Variants in RPL14 observed in about 807,000 individuals in gnomAD.
RPL14 encodes ribosomal protein L14, also known as large ribosomal subunit protein eL14.
A neutral mutation model predicts 25.3 loss-of-function variants in RPL14; 4 were observed. That is an observed-to-expected ratio of 0.16 (90% CI 0.08 to 0.36). The LOEUF is 0.36. Ranked by LOEUF, RPL14 falls within the 10% of genes least tolerant of loss-of-function variation. The probability of loss-of-function intolerance (pLI) is 1.00; values close to 1 mark genes in which losing one functional copy is unlikely to be tolerated. For missense variants in RPL14, 212 were observed against 261.9 expected, an observed-to-expected ratio of 0.81 and a Z score of 1.31; for synonymous variants, 75 against 89.8, an observed-to-expected ratio of 0.84 and a Z score of 0.93.
In RPL14 at chr3:40,461,482, C is replaced by T. The variant is rs1247067187; in HGVS notation, c.276C>T (p.Ala92=). ...CAAAATGGGCAGCCACACGATGGGC[C>T]AAGAAGATTGAAGCCAGAGAAAGGG... ...INTKWAATRW[A]KKIEARERKA... Residue 92 remains alanine (A), a synonymous_variant, in exon 4 of 6, where the codon GCC becomes GCT. Transcript: ENST00000396203. 1.2e-6 allele frequency: 2 copies of T among 1,613,772 alleles called. No homozygotes were observed. The highest frequency in any genetic ancestry group is 1.3e-5 in the African/African-American group (1 of 74,830).
At chr3:40,457,584 C>G (rs758226560) in intron 1 of RPL14, 110 bp downstream of exon 1, 1 of 909,314 alleles carries the variant, frequency 1.1e-6, no homozygotes, top group African/African-American at 1.7e-5. Flanking sequence ...GCCTGGCGCG[C>G]CTTGGGCCAC....
chr3:40,458,521 A>G (rs1237652315), intron 2 of RPL14, 121 bp from the exon 3 acceptor site: 7 of 712,294 alleles, frequency 9.8e-6, no homozygotes, highest in East Asian at 2.7e-5. Flanking sequence ...TTTCTGAGCA[A>G]TTTATTAAAA....
chr3:40,463,798 T>G lies in RPL14; in HGVS notation c.*1566T>G, dbSNP rs1184371756. 6.6e-6 allele frequency: 1 copy of G among 152,398 alleles called. No individual in the cohort carries two copies. The highest frequency in any genetic ancestry group is 1.5e-5 in the Non-Finnish European group (1 of 68,188). 9.4% of individuals were successfully genotyped at this position (152,398 alleles called of 1,614,324 possible). On this transcript the variant is annotated 3_prime_UTR_variant, in exon 6 of 6. Coordinates refer to ENST00000396203, the MANE Select transcript of RPL14 (RefSeq NM_001034996.3). ...CCCCAAAGTGTCATGTATATGCACT[T>G]AACTCCAACATCAGAACACATCTCG...
rs1697046212 is a variant in RPL14, at chr3:40,467,632, C to A, written c.*5400C>A. The A allele has an allele frequency of 6.6e-6, 1 of 152,216 alleles. No individual in the cohort carries two copies. The highest frequency in any genetic ancestry group is 1.5e-5 in the Non-Finnish European group (1 of 68,054). The allele number at this position is 152,216 out of a possible 1,614,324, so 9.4% of individuals were successfully genotyped here. A position where few individuals can be genotyped will look rare whatever the true frequency, so the allele number is the denominator to read the frequency against. ...ATCTCACAGATTTAGAAATGTTTCG[C>A]CAGCTAGCTGAACAATCCTTAGCCC... On this transcript the variant is annotated 3_prime_UTR_variant, in exon 6 of 6. Transcript: ENST00000396203.
Position 40,457,917 on chromosome 3 carries a change from C to T in RPL14, c.31C>T (p.Arg11Trp). 1 of 1,614,190 alleles carries T rather than the reference C, an allele frequency of 6.2e-7. No homozygotes were observed. The highest frequency in any genetic ancestry group is 8.5e-7 in the Non-Finnish European group (1 of 1,180,040). ...GTTCAGGCGCTTCGTGGAGGTTGGC[C>T]GGGTGGCCTATGTCTCCTTTGGACC... MVFRRFVEVG[R>W]VAYVSFGPHA... The change falls in exon 2 of 6, where the codon CGG (arginine) becomes TGG (tryptophan). Residue 11 changes from arginine to tryptophan, a missense_variant. Physicochemically the swap from Arg to Trp is moderately radical, Grantham distance 101. Coordinates refer to ENST00000396203, the MANE Select transcript of RPL14 (RefSeq NM_001034996.3).
At position 40,467,065 on chromosome 3, in the gene RPL14, C is replaced by T. The variant is rs935946822; in HGVS notation, c.*4833C>T. The T allele has an allele frequency of 6.6e-5, 10 of 152,144 alleles. No individual in the cohort carries two copies. The highest frequency in any genetic ancestry group is 2.4e-4 in the African/African-American group (10 of 41,528). The allele number at this position is 152,144 out of a possible 1,614,324, so 9.4% of individuals were successfully genotyped here. On this transcript the variant is annotated 3_prime_UTR_variant, in exon 6 of 6. Coordinates refer to ENST00000396203, the MANE Select transcript of RPL14 (RefSeq NM_001034996.3). ...TTATCTCCACTTCCAATTCCAGTAC[C>T]CTGTGTAAAGGAAAACATATACATC...
rs887826963 is a variant in RPL14 at position 40,464,639 on chromosome 3, T to G, written c.*2407T>G. 1 of 419,606 alleles carries G rather than the reference T, an allele frequency of 2.4e-6. No homozygotes were observed. Among genetic ancestry groups the G allele is most frequent in the African/African-American group, 2.0e-5 (1 of 49,118 alleles). 26.0% of individuals were successfully genotyped at this position (419,606 alleles called of 1,614,324 possible). Reference sequence around the variant, plus strand: ...GCGTGATATCTCAGATTTAGATCATTGAACTGTTAAGACTGAATCTTATGG... The same window carrying G: ...GCGTGATATCTCAGATTTAGATCATGGAACTGTTAAGACTGAATCTTATGG... On this transcript the variant is annotated 3_prime_UTR_variant, in exon 6 of 6. Coordinates refer to ENST00000396203, the MANE Select transcript of RPL14 (RefSeq NM_001034996.3).
At chr3:40,457,498 G>A in intron 1 of RPL14, 24 bp downstream of exon 1, 1 of 1,526,894 alleles carries the variant, frequency 6.5e-7, no homozygotes, top group Non-Finnish European at 8.9e-7. Context: ...GGCCGGCTGT[G>A]CAGCGGAATC....
rs1696952225 is a variant in RPL14 at position 40,462,201 on chromosome 3, C to T, written c.617C>T (p.Pro206Leu). 1 of 1,605,344 alleles carries T rather than the reference C, an allele frequency of 6.2e-7. No homozygotes were observed. Among genetic ancestry groups the T allele is most frequent in the Non-Finnish European group, 8.5e-7 (1 of 1,177,644 alleles). The part of the protein sequence containing the change: ...KGQKAPAQKA[P>L]APKASGKKA Reference sequence around the variant, plus strand: ...CAAAAAGCTCCAGCCCAGAAAGCACCTGCTCCAAAGGCATCTGGCAAGAAA... The same window carrying T: ...CAAAAAGCTCCAGCCCAGAAAGCACTTGCTCCAAAGGCATCTGGCAAGAAA... Residue 206 changes from proline (P) to leucine (L), a missense_variant, in exon 6 of 6, where the codon CCT becomes CTT. Physicochemically the swap from Pro to Leu is moderately conservative, Grantham distance 98. This residue lies in a region of RPL14 where 66 missense variants were observed against 62.6 expected (regional missense o/e 1.05). Transcript: ENST00000396203.
At position 40,468,335 on chromosome 3, in the gene RPL14, A is replaced by T. The variant is rs1359239134; in HGVS notation, c.*6103A>T. 2 of 152,190 alleles carry T rather than the reference A, an allele frequency of 1.3e-5. No homozygotes were observed. Among genetic ancestry groups the T allele is most frequent in the Non-Finnish European group, 2.9e-5 (2 of 68,042 alleles). The allele number at this position is 152,190 out of a possible 1,614,324, so 9.4% of individuals were successfully genotyped here. A position where few individuals can be genotyped will look rare whatever the true frequency, so the allele number is the denominator to read the frequency against. ...CCAATTTAGATTTCCATCAGCAGTA[A>T]ACAAAGACATTCCTGCCTGGCAGTC... On this transcript the variant is annotated 3_prime_UTR_variant, in exon 6 of 6. Coordinates refer to ENST00000396203, the MANE Select transcript of RPL14 (RefSeq NM_001034996.3).
chr3:40,459,626 C>T (rs1243216543), intron 3 of RPL14, among the ~76,000 whole-genome samples: 2 of 151,906 alleles, frequency 1.3e-5, no homozygotes, highest in African/African-American at 4.8e-5. Context: ...AAGGCCGAGG[C>T]GGGTGGATCA....
chr3:40,460,474 C>G (rs1330209890), intron 3 of RPL14, among the ~76,000 whole-genome samples: 2 of 151,308 alleles, frequency 1.3e-5, no homozygotes, highest in Non-Finnish European at 2.9e-5. Context: ...GCCAACGTTG[C>G]GCCAGTGCAT....
intron 3 of RPL14, among the ~76,000 whole-genome samples, chr3:40,460,975 T>G (rs1696928116): frequency 6.6e-6 from 1 of 152,176 alleles, no homozygotes; most frequent in Admixed American, 6.5e-5. Flanking sequence ...GGTGGAGGGT[T>G]GCTTGAGCCC....
Position 40,464,785 on chromosome 3 carries a change from AAAC to A in RPL14, c.*2556_*2558del. On this transcript the variant is annotated 3_prime_UTR_variant, in exon 6 of 6. Transcript: ENST00000396203. ...CATTGGACTGCAGAAATAAGGGAGA[AAAC>A]AATGTGTCAGGGTTTCTGGTTTGTA... 8.0e-6 allele frequency: 2 copies of A among 248,494 alleles called. No individual in the cohort carries two copies. The highest frequency in any genetic ancestry group is 9.4e-5 in the South Asian group (2 of 21,284). 15.4% of individuals were successfully genotyped at this position (248,494 alleles called of 1,614,324 possible). A position where few individuals can be genotyped will look rare whatever the true frequency, so the allele number is the denominator to read the frequency against.
chr3:40,458,276 A>G (rs1415064698), intron 2 of RPL14: 2 of 536,300 alleles, frequency 3.7e-6, no homozygotes, highest in Non-Finnish European at 6.6e-6. Flanking sequence ...CAGATCCAGC[A>G]CGTAGAAAGC....
intron 2 of RPL14, 92 bp downstream of exon 2, chr3:40,458,083 G>A: frequency 9.5e-7 from 1 of 1,057,872 alleles, no homozygotes; most frequent in Non-Finnish European, 1.5e-6. Flanking sequence ...GTAAGATGAG[G>A]ATGCTATGGG....
At position 40,465,327 on chromosome 3, in the gene RPL14, A is replaced by C. The variant is rs1211425077; in HGVS notation, c.*3095A>C. 2 of 152,182 alleles carry C rather than the reference A, an allele frequency of 1.3e-5. No individual in the cohort carries two copies. Among genetic ancestry groups the C allele is most frequent in the African/African-American group, 4.8e-5 (2 of 41,426 alleles). The allele number at this position is 152,182 out of a possible 1,614,324, so 9.4% of individuals were successfully genotyped here. On this transcript the variant is annotated 3_prime_UTR_variant, in exon 6 of 6. Transcript: ENST00000396203. ...TGGGGTTCGGAGGTTTTGTGTTTGTAAATCTGGAGTGATGGGCATGTTCAA... is the reference window on the plus strand; with the variant it reads ...TGGGGTTCGGAGGTTTTGTGTTTGTCAATCTGGAGTGATGGGCATGTTCAA...
At position 40,457,896 on chromosome 3, in the gene RPL14, A is replaced by C; in HGVS notation, c.10A>C (p.Arg4=). The C allele has an allele frequency of 1.2e-6, 2 of 1,614,178 alleles. No homozygotes were observed. Among genetic ancestry groups the C allele is most frequent in the Non-Finnish European group, 1.7e-6 (2 of 1,179,990 alleles). Residue 4 remains arginine (R), a synonymous_variant, in exon 2 of 6, where the codon AGG becomes CGG. Transcript: ENST00000396203. ...CTTTCTCCTCCAATTTTAGGTGTTC[A>C]GGCGCTTCGTGGAGGTTGGCCGGGT... MVF[R]RFVEVGRVAY...
At chr3:40,458,156 G>A in intron 2 of RPL14, 165 bp downstream of exon 2, 1 of 630,542 alleles carries the variant, frequency 1.6e-6, no homozygotes, top group Non-Finnish European at 2.8e-6. Flanking sequence ...ACAGCCTGAA[G>A]TTAGCTATTA....
Sources: gnomAD v4.1 joint callset for allele counts (sites outside exome capture counted in the v4.1 genomes callset) on GRCh38, gnomAD v4.1.1 for gene constraint, gnomAD v4.1.1 regional missense constraint, MANE v1.5 for transcripts, NCBI Gene and HGNC (gene_info 2026-07-23, HGNC 2026-07-21) for gene names.